The following C1orf167 variants were observed in gnomAD, a reference collection of about 807,000 sequenced individuals.
C1orf167 encodes uncharacterized protein C1orf167.
Under a neutral mutation model 176.5 loss-of-function variants are expected in C1orf167, and 153 were observed. The ratio of observed to expected loss-of-function variants is 0.87; its 90% confidence interval spans 0.76 to 0.99. The LOEUF is 0.99. Among genes scored for constraint, C1orf167 ranks in the 50% least tolerant of loss-of-function variants. C1orf167 has a pLI of 0.00. For missense variants in C1orf167, 1,490 were observed against 1,817.7 expected (o/e 0.82, Z 3.28); for synonymous variants, 594 against 752.7 (o/e 0.79, Z 3.45).
intron 6 of C1orf167, among the ~76,000 whole-genome samples, chr1:11,770,709 G>C (rs1242130258): frequency 2.0e-5 from 3 of 150,984 alleles, no homozygotes; most frequent in Non-Finnish European, 4.4e-5. Flanking sequence ...GTATCTGCCT[G>C]CCTCAACCTA....
intron 1 of C1orf167, among the ~76,000 whole-genome samples, 128 bp downstream of exon 1, chr1:11,762,433 C>T (rs1346609484): frequency 1.3e-5 from 2 of 151,974 alleles, no homozygotes; most frequent in Non-Finnish European, 2.9e-5. Context: ...CTGAGGGAGA[C>T]GGACGAGGAG....
chr1:11,787,967 G>A lies in C1orf167; in HGVS notation c.3768G>A (p.Arg1256=). 1 of 1,304,260 alleles carries A rather than the reference G, an allele frequency of 7.7e-7. No individual in the cohort carries two copies. Among genetic ancestry groups the A allele is most frequent in the Non-Finnish European group, 1.0e-6 (1 of 988,928 alleles). 80.8% of individuals were successfully genotyped at this position (1,304,260 alleles called of 1,614,324 possible). A position where few individuals can be genotyped will look rare whatever the true frequency, so the allele number is the denominator to read the frequency against. The change falls in exon 18 of 21, where the codon AGG becomes AGA. Residue 1256 remains arginine (R), a synonymous_variant. Coordinates refer to ENST00000688073, the MANE Select transcript of C1orf167 (RefSeq NM_001010881.2). ...TCCCAGGCCTGCCCCTGTGGACGAG[G>A]GACCAGGGACCAAGAGCGCACTCCA... is the stretch of plus-strand genomic sequence containing the variant. The part of the protein sequence containing the change: ...SWVPGLPLWT[R]DQGPRAHSSP...
chr1:11,788,744 T>C lies in C1orf167; in HGVS notation c.4171T>C (p.Trp1391Arg). The C allele has an allele frequency of 7.7e-7, 1 of 1,304,110 alleles. No individual in the cohort carries two copies. Among genetic ancestry groups the C allele is most frequent in the Non-Finnish European group, 1.0e-6 (1 of 988,898 alleles). The allele number at this position is 1,304,110 out of a possible 1,614,324, so 80.8% of individuals were successfully genotyped here. The change falls in exon 20 of 21, where the codon TGG becomes CGG. Residue 1391 changes from tryptophan to arginine, a missense_variant and splice_region_variant. Coordinates refer to ENST00000688073, the MANE Select transcript of C1orf167 (RefSeq NM_001010881.2). ...CTCAGCAGTTACAGCAGCAGGAAGA[T>C]GGGTGGGTCCTTTCCCAGGTACTGC... ...SGSAVTAAGR[W>R]AFKKWHQRLA...
At position 11,779,798 on chromosome 1, in the gene C1orf167, C is replaced by G; in HGVS notation, c.2652-4C>G. ...ATCCTCAGGGTGGACCCTCCCTTTCCCAGCATCTTCCTCAGCTGGAGCCGC... is the reference window on the plus strand; with the variant it reads ...ATCCTCAGGGTGGACCCTCCCTTTCGCAGCATCTTCCTCAGCTGGAGCCGC... On this transcript the variant is annotated splice_polypyrimidine_tract_variant and splice_region_variant and intron_variant, in intron 12 of 20. Transcript: ENST00000688073. The G allele has an allele frequency of 7.7e-7, 1 of 1,299,566 alleles. No homozygotes were observed. The highest frequency in any genetic ancestry group is 1.0e-6 in the Non-Finnish European group (1 of 986,472). 80.5% of individuals were successfully genotyped at this position (1,299,566 alleles called of 1,614,324 possible).
intron 2 of C1orf167, among the ~76,000 whole-genome samples, chr1:11,765,485 C>T (rs945871541): frequency 1.3e-4 from 20 of 151,480 alleles, no homozygotes; most frequent in African/African-American, 4.6e-4. Flanking sequence ...TGATTCTTTT[C>T]TTTTTTTTTC....
At chr1:11,776,668 T>C (rs1289988795) in intron 10 of C1orf167, 30 bp downstream of exon 10, 5 of 1,193,730 alleles carry the variant, frequency 4.2e-6, no homozygotes, top group Non-Finnish European at 5.3e-6. Context: ...TGACCTGGGG[T>C]TGGGCCTGGG....
Position 11,785,276 on chromosome 1 carries a change from C to G in C1orf167, c.3554C>G (p.Pro1185Arg), listed in dbSNP as rs1643803707. The G allele has an allele frequency of 7.8e-7, 1 of 1,286,860 alleles. No homozygotes were observed. The highest frequency in any genetic ancestry group is 1.0e-6 in the Non-Finnish European group (1 of 985,708). 79.7% of individuals were successfully genotyped at this position (1,286,860 alleles called of 1,614,324 possible). A position where few individuals can be genotyped will look rare whatever the true frequency, so the allele number is the denominator to read the frequency against. The stretch of plus-strand genomic sequence containing the variant: ...CAGCTCAGGGTGCGGCTGGGACTGC[C>G]AGGGGCCGGCAAGGTACGCCCCAAG... ...TVQLRVRLGL[P>R]GAGKTRSCWT... The change falls in exon 16 of 21, where the codon CCA (proline) becomes CGA (arginine). Residue 1185 changes from proline (P) to arginine (R), a missense_variant. Physicochemically the swap from Pro to Arg is moderately radical, Grantham distance 103. Coordinates refer to ENST00000688073, the MANE Select transcript of C1orf167 (RefSeq NM_001010881.2).
intron 1 of C1orf167, among the ~76,000 whole-genome samples, chr1:11,763,996 T>A (rs1642658975): frequency 6.6e-6 from 1 of 152,060 alleles, no homozygotes. Context: ...CGGCTGGAGT[T>A]CAGTTTTGGA....
intron 16 of C1orf167, 56 bp downstream of exon 16, chr1:11,785,345 G>T: frequency 1.6e-6 from 2 of 1,229,448 alleles, no homozygotes; most frequent in Non-Finnish European, 2.1e-6. Flanking sequence ...GCCAGCAGGG[G>T]GAGCCTGCTG....
At chr1:11,775,408 A>T in intron 8 of C1orf167, 27 bp from the exon 9 acceptor site, 2 of 1,270,986 alleles carry the variant, frequency 1.6e-6, no homozygotes, top group Non-Finnish European at 2.1e-6. Flanking sequence ...TGCAATTGAC[A>T]TGGGTACTTT....
At chr1:11,788,417 AT>A in intron 19 of C1orf167, 39 bp downstream of exon 19, 1 of 1,265,554 alleles carries the variant, frequency 7.9e-7, no homozygotes, top group South Asian at 1.3e-5. Context: ...ACCATCTCCC[AT>A]TTCACCTCAT....
intron 10 of C1orf167, 71 bp from the exon 11 acceptor site, chr1:11,778,589 A>G (rs12134663): frequency 8.4e-7 from 1 of 1,193,364 alleles, no homozygotes; most frequent in African/African-American, 1.6e-5. Context: ...AGGGTAGGGT[A>G]GCCCCTGCTT....
intron 12 of C1orf167, chr1:11,779,358 A>G (rs887895256): frequency 1.4e-5 from 3 of 216,798 alleles, no homozygotes; most frequent in Non-Finnish European, 2.8e-5. Context: ...CCTGGGTTCT[A>G]ATCCCAGCTT....
chr1:11,785,399 C>T, intron 16 of C1orf167, 110 bp downstream of exon 16: 1 of 1,118,952 alleles, frequency 8.9e-7, no homozygotes. Context: ...GGAGCCTAGG[C>T]AGGGCGGGAG....
rs577952449 is a variant in C1orf167 at position 11,772,620 on chromosome 1, A to G, written c.1988+361A>G. On this transcript the variant is annotated intron_variant, in intron 8 of 20. Coordinates refer to ENST00000688073, the MANE Select transcript of C1orf167 (RefSeq NM_001010881.2). ...TCCTAGTATTGAGAGGCAAGGATGC[A>G]AATAGGAAATGAAAGCAGCCATCGA... Among the ~76,000 whole-genome samples the G allele has an allele frequency of 7.9e-5, 12 of 152,232 alleles. No individual in the cohort carries two copies. In the South Asian group the frequency reaches 8.3e-4, roughly 11 times the overall value.
At chr1:11,763,438 G>A (rs1385258496) in intron 1 of C1orf167, among the ~76,000 whole-genome samples, 7 of 116,932 alleles carry the variant, frequency 6.0e-5, no homozygotes, top group Admixed American at 1.9e-4. Context: ...GTGAGACTCC[G>A]GCTCAAAAAA....
In C1orf167 at chr1:11,766,984, C is replaced by A; in HGVS notation, c.1198C>A (p.Gln400Lys). Reference protein sequence around the residue: ...SNTAWGVSPKQKGEEGAPRER... With the variant: ...SNTAWGVSPKKKGEEGAPRER... Reference sequence around the variant, plus strand: ...CACAGCCTGGGGAGTCTCACCCAAGCAGAAAGGAGAGGAGGGGGCCCCGAG... The same window carrying A: ...CACAGCCTGGGGAGTCTCACCCAAGAAGAAAGGAGAGGAGGGGGCCCCGAG... The change falls in exon 3 of 21, where the codon CAG becomes AAG. Residue 400 changes from glutamine (Q) to lysine (K), a missense_variant. Coordinates refer to ENST00000688073, the MANE Select transcript of C1orf167 (RefSeq NM_001010881.2). This position sits in a 1 kb window ranked among gnomAD's most constrained non-coding sequence, Gnocchi z 4.5. 8.3e-7 allele frequency: 1 copy of A among 1,206,794 alleles called. No homozygotes were observed. The highest frequency in any genetic ancestry group is 1.1e-6 in the Non-Finnish European group (1 of 949,328). 74.8% of individuals were successfully genotyped at this position (1,206,794 alleles called of 1,614,324 possible). A position where few individuals can be genotyped will look rare whatever the true frequency, so the allele number is the denominator to read the frequency against.
rs1167921118 is a variant in C1orf167 at position 11,779,000 on chromosome 1, G to A, written c.2571G>A (p.Gly857=). The part of the protein sequence containing the change: ...LLWAAGQRQQ[G]QCLLLWQARA... ...GGGCAGCTGGGCAGCGGCAGCAGGG[G>A]CAGTGCCTTCTGCTCTGGCAGGCAC... The change falls in exon 12 of 21, where the codon GGG becomes GGA. Residue 857 remains glycine (G), a synonymous_variant. Transcript: ENST00000688073. The A allele has an allele frequency of 2.5e-5, 33 of 1,302,810 alleles. No individual in the cohort carries two copies. The highest frequency in any genetic ancestry group is 1.9e-4 in the South Asian group (15 of 80,758). 80.7% of individuals were successfully genotyped at this position (1,302,810 alleles called of 1,614,324 possible).
Position 11,769,140 on chromosome 1 carries a change from T to A in C1orf167, c.1697+13T>A, listed in dbSNP as rs891592877. The A allele has an allele frequency of 2.5e-5, 25 of 985,832 alleles. No homozygotes were observed. The highest frequency in any genetic ancestry group is 3.0e-5 in the Non-Finnish European group (25 of 830,002). The allele number at this position is 985,832 out of a possible 1,614,324, so 61.1% of individuals were successfully genotyped here. A position where few individuals can be genotyped will look rare whatever the true frequency, so the allele number is the denominator to read the frequency against. ...TGGAACACACCAGGTTGGTCAGTGT[T>A]GCCTGGGAAGCCGGTGGCCTTTCTT... On this transcript the variant is annotated intron_variant, in intron 6 of 20. Transcript: ENST00000688073.
Sources: allele counts gnomAD v4.1 joint callset (sites outside exome capture counted in the v4.1 genomes callset), GRCh38; gene constraint gnomAD v4.1.1; non-coding constraint Gnocchi (gnomAD v3.1); transcripts MANE v1.5; gene names NCBI Gene and HGNC (gene_info 2026-07-23, HGNC 2026-07-21).